The following RADIL variants were observed in gnomAD, a reference collection of about 807,000 sequenced individuals.
RADIL encodes the protein Rap associating with DIL domain, also known as ras-associating and dilute domain-containing protein.
A neutral mutation model predicts 97.6 loss-of-function variants in RADIL; 99 were observed. The observed-to-expected ratio is 1.01, with a 90% confidence interval of 0.86 to 1.20. RADIL has a LOEUF of 1.20. Ranked by LOEUF, RADIL falls within the 50% of genes most tolerant of loss-of-function variation. The probability of loss-of-function intolerance (pLI) is 0.00; values close to 1 mark genes in which losing one functional copy is unlikely to be tolerated. For synonymous variants in RADIL, 803 were observed against 691.8 expected (o/e 1.16, Z -2.52); for missense variants, 1,765 against 1,498.9 (o/e 1.18, Z -2.93).
In RADIL at chr7:4,879,710, C is replaced by A. The variant is rs1784446293; in HGVS notation, c.-64-1507G>T. ...GGCTGCCTAGGGCCACAGAAAGCAA[C>A]CAGGGAACCCCTCCAAAGAAAAGGA... On this transcript the variant is annotated intron_variant, in intron 1 of 14. Transcript: ENST00000399583. The surrounding 1 kb of genome is among the most constrained non-coding windows in gnomAD (Gnocchi z 4.1). Among the ~76,000 whole-genome samples the A allele has an allele frequency of 6.6e-6, 1 of 152,190 alleles. No homozygotes were observed. The highest frequency in any genetic ancestry group is 2.4e-5 in the African/African-American group (1 of 41,450).
chr7:4,869,563 A>T (rs1784207444), intron 2 of RADIL, among the ~76,000 whole-genome samples: 1 of 151,220 alleles, frequency 6.6e-6, no homozygotes, highest in Non-Finnish European at 1.5e-5. Context: ...CATATAGCTG[A>T]AGCCAGTTAT....
At chr7:4,852,039 A>G (rs1461908232) in intron 2 of RADIL, among the ~76,000 whole-genome samples, 1 of 152,236 alleles carries the variant, frequency 6.6e-6, no homozygotes, top group Non-Finnish European at 1.5e-5. Context: ...CCAGAAGCTG[A>G]AAGTAGAGAA....
At chr7:4,808,766 G>A (rs1201809276) in intron 9 of RADIL, 4 of 898,644 alleles carry the variant, frequency 4.5e-6, no homozygotes, top group Non-Finnish European at 3.8e-6. Flanking sequence ...ACTGCCCCCC[G>A]TTCCGACGCC....
chr7:4,844,080 T>A (rs1201315537), intron 2 of RADIL, among the ~76,000 whole-genome samples: 1 of 152,098 alleles, frequency 6.6e-6, no homozygotes, highest in Non-Finnish European at 1.5e-5. Flanking sequence ...CTGTAACCAC[T>A]TCTCTTCAAA....
At chr7:4,861,127 G>C (rs376442403) in intron 2 of RADIL, 1 of 1,614,220 alleles carries the variant, frequency 6.2e-7, no homozygotes, top group East Asian at 2.2e-5. Flanking sequence ...CCCACAGTTT[G>C]ATGGCTCTCA....
At position 4,883,171 on chromosome 7, in the gene RADIL, G is replaced by A. The variant is rs966510747; in HGVS notation, c.-65+425C>T. ...GAGAGCGCGCGGAACCCTGCGCCCCGCTCCCCCGCTGCGCCCCGCTCCCCC... is the reference window on the plus strand; with the variant it reads ...GAGAGCGCGCGGAACCCTGCGCCCCACTCCCCCGCTGCGCCCCGCTCCCCC... On this transcript the variant is annotated intron_variant, in intron 1 of 14. Transcript: ENST00000399583. The surrounding 1 kb of genome is among the most constrained non-coding windows in gnomAD (Gnocchi z 7.1). Among the ~76,000 whole-genome samples the A allele has an allele frequency of 6.6e-6, 1 of 152,058 alleles. No individual in the cohort carries two copies. Among genetic ancestry groups the A allele is most frequent in the East Asian group, 1.9e-4 (1 of 5,182 alleles).
chr7:4,865,867 A>G (rs1217850489), intron 2 of RADIL: 1 of 671,024 alleles, frequency 1.5e-6, no homozygotes, highest in Non-Finnish European at 2.7e-6. Context: ...ATGTTTAGAC[A>G]CACAAATATT....
rs768772604 is a variant in RADIL, at chr7:4,835,011, C to T, written c.1012G>A (p.Val338Met). Residue 338 changes from valine (V) to methionine (M), a missense_variant, in exon 4 of 15, where the codon GTG becomes ATG. Transcript: ENST00000399583. This position sits in a 1 kb window ranked among gnomAD's most constrained non-coding sequence, Gnocchi z 5.8. The part of the protein sequence containing the change: ...NFSEVGHRTV[V>M]LHHGDLLSLG... ...GAGAGCAGGTCCCCGTGGTGCAGCA[C>T]CACGGTCCTGTGCCCCACCTCGGAG... The T allele has an allele frequency of 6.2e-7, 1 of 1,611,628 alleles. No homozygotes were observed. Among genetic ancestry groups the T allele is most frequent in the Admixed American group, 1.7e-5 (1 of 59,904 alleles).
Position 4,800,251 on chromosome 7 carries a change from T to C in RADIL, c.2902A>G (p.Thr968Ala), listed in dbSNP as rs3816854. Residue 968 changes from threonine to alanine, a missense_variant, in exon 13 of 15, where the codon ACC becomes GCC. Thr to Ala is a moderately conservative substitution (Grantham distance 58). Transcript: ENST00000399583. ...PPAPSSRSSS[T>A]EDFCYVFTVE... ...GTGAAGACGTAGCAGAAGTCCTCGG[T>C]GCTGGAGCTGCGGCTGGACGGGGCT... 0.069 allele frequency: 108,681 copies of C among 1,569,372 alleles called. 5,048 individuals are homozygous for C. Among genetic ancestry groups the C allele is most frequent in the South Asian group, 0.2 (17,120 of 83,930 alleles).
In RADIL at chr7:4,822,415, C is replaced by T. The variant is rs1411661262; in HGVS notation, c.1594G>A (p.Glu532Lys). 2 of 1,612,340 alleles carry T rather than the reference C, an allele frequency of 1.2e-6. No homozygotes were observed. The highest frequency in any genetic ancestry group is 8.5e-7 in the Non-Finnish European group (1 of 1,179,736). The stretch of plus-strand genomic sequence containing the variant: ...GTACCTGTGATGTCCAGCTGCTCCT[C>T]CATGCTCTGCATGTAGAGTGGGCAT... ...QKCPLYMQSM[E>K]EQLDITGSKE... The change falls in exon 6 of 15, where the codon GAG becomes AAG. Residue 532 changes from glutamate to lysine, a missense_variant. Coordinates refer to ENST00000399583, the MANE Select transcript of RADIL (RefSeq NM_018059.5). The surrounding 1 kb of genome is among the most constrained non-coding windows in gnomAD (Gnocchi z 5.3).
chr7:4,842,977 C>T lies in RADIL; in HGVS notation c.536-6372G>A, dbSNP rs1002524093. Among the ~76,000 whole-genome samples the T allele has an allele frequency of 4.6e-5, 7 of 151,124 alleles. No individual in the cohort carries two copies. The highest frequency in any genetic ancestry group is 3.3e-4 in the Admixed American group (5 of 15,158). ...CTCAGAATAGCTGGGACTATAGGTG[C>T]GCACCCCCATGCCCGGCAAGAGACA... On this transcript the variant is annotated intron_variant, in intron 2 of 14. Transcript: ENST00000399583. The surrounding 1 kb of genome is among the most constrained non-coding windows in gnomAD (Gnocchi z 4.5).
At chr7:4,807,999 C>T (rs1316154195) in intron 9 of RADIL, among the ~76,000 whole-genome samples, 6 of 97,832 alleles carry the variant, frequency 6.1e-5, no homozygotes, top group Middle Eastern at 6.1e-3. Flanking sequence ...GTCTCTCTCC[C>T]CTCCCTCCTC....
intron 2 of RADIL, among the ~76,000 whole-genome samples, chr7:4,855,761 T>G (rs1263218953): frequency 2.0e-5 from 3 of 152,026 alleles, no homozygotes; most frequent in Non-Finnish European, 1.5e-5. Context: ...TATGCGCTTC[T>G]TTGGCCCATT....
In RADIL at chr7:4,799,391, G is replaced by A. The variant is rs762517849; in HGVS notation, c.3215C>T (p.Thr1072Met). 118 of 1,613,716 alleles carry A rather than the reference G, an allele frequency of 7.3e-5. No individual in the cohort carries two copies. Among genetic ancestry groups the A allele is most frequent in the South Asian group, 1.2e-4 (11 of 91,084 alleles). The change falls in exon 15 of 15, where the codon ACG (threonine) becomes ATG (methionine). Residue 1072 changes from threonine to methionine, a missense_variant. By Grantham distance (81) the Thr-to-Met change is moderately conservative. Transcript: ENST00000399583. The stretch of plus-strand genomic sequence containing the variant: ...CTCGCAGCCCCCCTAGAGAGGGGGC[G>A]TGCGGAAATGGATCTTCTTGGCTGT... ...VETAKKIHFR[T>M]PPL
chr7:4,862,042 G>A (rs927422633), intron 2 of RADIL: 1 of 394,354 alleles, frequency 2.5e-6, no homozygotes, highest in Non-Finnish European at 4.5e-6. Context: ...CCGTACACGC[G>A]CGGGCGCCTG....
In RADIL at chr7:4,822,875, G is replaced by A. The variant is rs755831373; in HGVS notation, c.1455-321C>T. 6.6e-6 allele frequency among the ~76,000 whole-genome samples: 1 copy of A among 152,110 alleles called. No homozygotes were observed. The highest frequency in any genetic ancestry group is 1.5e-5 in the Non-Finnish European group (1 of 67,982). On this transcript the variant is annotated intron_variant, in intron 5 of 14. Coordinates refer to ENST00000399583, the MANE Select transcript of RADIL (RefSeq NM_018059.5). This position sits in a 1 kb window ranked among gnomAD's most constrained non-coding sequence, Gnocchi z 5.3. ...AGATCATAAAGTGGCTGTGAATGCT[G>A]AGAGAATGTGTGCCAATATGTGTGT...
rs537833518 is a variant in RADIL, at chr7:4,802,308, G to A, written c.2500-313C>T. ...CGCTGGCTGGGGGGCCCCCTCCCCA[G>A]GTACCTCGGGGCATGCTGGCTGGGC... On this transcript the variant is annotated intron_variant, in intron 11 of 14. Transcript: ENST00000399583. Among the ~76,000 whole-genome samples, 5 of 148,842 alleles carry A rather than the reference G, an allele frequency of 3.4e-5. No homozygotes were observed. In the East Asian group the frequency reaches 9.9e-4, roughly 29 times the overall value.
At chr7:4,804,790 A>G (rs1404642824) in intron 10 of RADIL, among the ~76,000 whole-genome samples, 1 of 151,374 alleles carries the variant, frequency 6.6e-6, no homozygotes, top group East Asian at 1.9e-4. Flanking sequence ...TGTCTCAGTC[A>G]ATCAATCAAT....
chr7:4,816,523 C>CG (rs1782683344), intron 7 of RADIL, 58 bp from the exon 8 acceptor site: 3 of 1,448,752 alleles, frequency 2.1e-6, no homozygotes, highest in African/African-American at 1.4e-5. Flanking sequence ...GGCGGCCGAA[C>CG]GGGGGGCCTG....
Sources: allele counts gnomAD v4.1 joint callset (sites outside exome capture counted in the v4.1 genomes callset), GRCh38; gene constraint gnomAD v4.1.1; non-coding constraint Gnocchi (gnomAD v3.1); transcripts MANE v1.5; gene names NCBI Gene and HGNC (gene_info 2026-07-23, HGNC 2026-07-21).